The following PCDHGA5 variants were observed in gnomAD, a reference collection of about 807,000 sequenced individuals.
PCDHGA5 encodes protocadherin gamma-A5.
Under a neutral mutation model 56.7 loss-of-function variants are expected in PCDHGA5, and 36 were observed. The observed-to-expected ratio is 0.64, with a 90% confidence interval of 0.49 to 0.84. The LOEUF (loss-of-function observed/expected upper bound fraction) is 0.84. Ranked by LOEUF, PCDHGA5 falls within the 40% of genes least tolerant of loss-of-function variation. PCDHGA5 has a pLI of 0.00. For synonymous variants in PCDHGA5, 563 were observed against 520.2 expected (o/e 1.08, Z -1.12); for missense variants, 1,305 against 1,201.5 (o/e 1.09, Z -1.27).
At chr5:141,399,911 G>T in intron 1 of PCDHGA5, 1 of 1,612,384 alleles carries the variant, frequency 6.2e-7, no homozygotes. Flanking sequence ...GCAGACTCAG[G>T]ACACAACGCC....
chr5:141,491,441 A>G lies in PCDHGA5; in HGVS notation c.2422-3366A>G, dbSNP rs776616506. 1.2e-6 allele frequency: 2 copies of G among 1,614,146 alleles called. No homozygotes were observed. The highest frequency in any genetic ancestry group is 1.7e-6 in the Non-Finnish European group (2 of 1,180,032). ...GGTGGAGGGCAGTGCTGCAGGCGCCAGGACTCACCCTCCCCGGACTTCTAT... is the reference window on the plus strand; with the variant it reads ...GGTGGAGGGCAGTGCTGCAGGCGCCGGGACTCACCCTCCCCGGACTTCTAT... On this transcript the variant is annotated intron_variant, in intron 1 of 3. Coordinates refer to ENST00000518069, the MANE Select transcript of PCDHGA5 (RefSeq NM_018918.3). The surrounding 1 kb of genome is among the most constrained non-coding windows in gnomAD (Gnocchi z 6.9).
intron 1 of PCDHGA5, chr5:141,423,300 G>A (rs1293301567): frequency 2.5e-6 from 4 of 1,614,028 alleles, no homozygotes; most frequent in African/African-American, 1.3e-5. Context: ...CAGACCTCTC[G>A]CTGTACTTGG....
chr5:141,476,850 A>C lies in PCDHGA5; in HGVS notation c.2422-17957A>C, dbSNP rs747333239. Reference sequence around the variant, plus strand: ...GCGAATGACAATGCGCCTGTCTTCAACCAGTCCTTGTACCGGGCGCGCGTC... The same window carrying C: ...GCGAATGACAATGCGCCTGTCTTCACCCAGTCCTTGTACCGGGCGCGCGTC... On this transcript the variant is annotated intron_variant, in intron 1 of 3. Transcript: ENST00000518069. The surrounding 1 kb of genome is among the most constrained non-coding windows in gnomAD (Gnocchi z 7.6). The C allele has an allele frequency of 5.6e-6, 9 of 1,613,718 alleles. No individual in the cohort carries two copies. Among genetic ancestry groups the C allele is most frequent in the Non-Finnish European group, 7.6e-6 (9 of 1,180,054 alleles).
At chr5:141,384,938 C>T (rs754481008) in intron 1 of PCDHGA5, 26 of 1,613,824 alleles carry the variant, frequency 1.6e-5, no homozygotes, top group Non-Finnish European at 2.2e-5. Flanking sequence ...AGCCTTGAGC[C>T]CTCCGACGGT....
chr5:141,430,637 G>A (rs2097298854), intron 1 of PCDHGA5: 1 of 890,676 alleles, frequency 1.1e-6, no homozygotes, highest in Admixed American at 2.8e-5. Context: ...ACCATCCCTG[G>A]GAGTATGTGG....
At chr5:141,396,515 G>A (rs1162905890) in intron 1 of PCDHGA5, 3 of 152,048 alleles carry the variant, frequency 2.0e-5, no homozygotes, top group Non-Finnish European at 4.4e-5. Flanking sequence ...AGCTACTCGG[G>A]AGGCTGAGGC....
Position 141,431,215 on chromosome 5 carries a change from C to T in PCDHGA5, c.2422-63592C>T, listed in dbSNP as rs1225114172. On this transcript the variant is annotated intron_variant, in intron 1 of 3. Transcript: ENST00000518069. The surrounding 1 kb of genome is among the most constrained non-coding windows in gnomAD (Gnocchi z 4.8). ...AAAATGCAGCCACTGAGATGCGGTT[C>T]CCTCTACCCCACGCCTGGGATCCGG... is the stretch of plus-strand genomic sequence containing the variant. 2.5e-6 allele frequency: 4 copies of T among 1,614,066 alleles called. No homozygotes were observed. The highest frequency in any genetic ancestry group is 1.3e-5 in the African/African-American group (1 of 74,942).
chr5:141,420,269 A>G, intron 1 of PCDHGA5: 1 of 1,544,558 alleles, frequency 6.5e-7, no homozygotes, highest in Admixed American at 2.0e-5. Flanking sequence ...GAAGATTCTT[A>G]AACAGGTAAG....
At chr5:141,414,316 G>T (rs2095734692) in intron 1 of PCDHGA5, 1 of 1,613,682 alleles carries the variant, frequency 6.2e-7, no homozygotes, top group Admixed American at 1.7e-5. Flanking sequence ...TTTAGACTCT[G>T]AGCAGAATGG....
rs1418271960 is a variant in PCDHGA5 at position 141,372,958 on chromosome 5, T to C, written c.2421+6207T>C. ...AGTAGGGTGTCTAGGAAATTCTTTG[T>C]AGAATTTCCTGTAGAATATCTGTGT... On this transcript the variant is annotated intron_variant, in intron 1 of 3. Transcript: ENST00000518069. 8.4e-6 allele frequency: 6 copies of C among 710,456 alleles called. No individual in the cohort carries two copies. The Middle Eastern group carries it at 1.1e-3, about 132-fold the overall frequency. The allele number at this position is 710,456 out of a possible 1,614,324, so 44.0% of individuals were successfully genotyped here. A position where few individuals can be genotyped will look rare whatever the true frequency, so the allele number is the denominator to read the frequency against.
intron 1 of PCDHGA5, chr5:141,410,576 C>T (rs533810160): frequency 8.7e-6 from 14 of 1,611,152 alleles, no homozygotes; most frequent in Non-Finnish European, 1.2e-5. Context: ...AATTCCACCT[C>T]ATGGTGGGGA....
At chr5:141,436,738 G>T (rs1207400781) in intron 1 of PCDHGA5, among the ~76,000 whole-genome samples, 2 of 152,306 alleles carry the variant, frequency 1.3e-5, no homozygotes, top group South Asian at 2.1e-4. Context: ...AATGATTTTT[G>T]TGTGCTTCTC....
intron 1 of PCDHGA5, chr5:141,395,523 C>A: frequency 7.5e-6 from 3 of 400,150 alleles, no homozygotes; most frequent in Non-Finnish European, 1.3e-5. Flanking sequence ...CCCGTCCATA[C>A]TGGTAATTTT....
intron 1 of PCDHGA5, chr5:141,397,952 C>A: frequency 1.0e-6 from 1 of 959,530 alleles, no homozygotes; most frequent in Non-Finnish European, 1.5e-6. Context: ...CCAGGGCAGC[C>A]CCAGCTCAGA....
At chr5:141,421,875 A>C (rs1345376105) in intron 1 of PCDHGA5, 2 of 1,613,648 alleles carry the variant, frequency 1.2e-6, no homozygotes, top group South Asian at 2.2e-5. Flanking sequence ...TCACAGCTTT[A>C]GATGGAGGCG....
chr5:141,489,837 G>A lies in PCDHGA5; in HGVS notation c.2422-4970G>A. 6.2e-7 allele frequency: 1 copy of A among 1,614,204 alleles called. No individual in the cohort carries two copies. ...TCCCAGAGCTGGTGCTAGAGCAGCAGCTGGATCGTGAAGCCCAGGCAAGAC... is the reference window on the plus strand; with the variant it reads ...TCCCAGAGCTGGTGCTAGAGCAGCAACTGGATCGTGAAGCCCAGGCAAGAC... On this transcript the variant is annotated intron_variant, in intron 1 of 3. Transcript: ENST00000518069. This position sits in a 1 kb window ranked among gnomAD's most constrained non-coding sequence, Gnocchi z 4.5.
Position 141,485,746 on chromosome 5 carries a change from C to T in PCDHGA5, c.2422-9061C>T, listed in dbSNP as rs1297635523. ...AGAAGCGCAGCGACGGCAGCCTGGT[C>T]CCAGAGCTGCTCCTGGAGAAGCCTT... On this transcript the variant is annotated intron_variant, in intron 1 of 3. Coordinates refer to ENST00000518069, the MANE Select transcript of PCDHGA5 (RefSeq NM_018918.3). The surrounding 1 kb of genome is among the most constrained non-coding windows in gnomAD (Gnocchi z 5.7). 6.2e-7 allele frequency: 1 copy of T among 1,614,128 alleles called. No individual in the cohort carries two copies. The highest frequency in any genetic ancestry group is 2.2e-5 in the East Asian group (1 of 44,880).
intron 1 of PCDHGA5, chr5:141,376,616 G>C: frequency 7.1e-7 from 1 of 1,413,872 alleles, no homozygotes; most frequent in Non-Finnish European, 9.6e-7. Flanking sequence ...AACCTCTTTT[G>C]GTACAGGAAG....
At chr5:141,469,314 C>A (rs982242861) in intron 1 of PCDHGA5, among the ~76,000 whole-genome samples, 1 of 151,982 alleles carries the variant, frequency 6.6e-6, no homozygotes, top group Non-Finnish European at 1.5e-5. Flanking sequence ...CGATGGCTCA[C>A]GCCTGTAATC....
Sources: allele counts gnomAD v4.1 joint callset (sites outside exome capture counted in the v4.1 genomes callset), GRCh38; gene constraint gnomAD v4.1.1; non-coding constraint Gnocchi (gnomAD v3.1); transcripts MANE v1.5; gene names NCBI Gene and HGNC (gene_info 2026-07-23, HGNC 2026-07-21).